PANK4: variants seen among roughly 807,000 people sequenced by gnomAD.
PANK4 encodes 4'-phosphopantetheine phosphatase.
Under a neutral mutation model 87.9 loss-of-function variants are expected in PANK4, and 40 were observed. That is an observed-to-expected ratio of 0.46 (90% CI 0.35 to 0.59). The LOEUF is 0.59. Ranked by LOEUF, PANK4 falls within the 20% of genes least tolerant of loss-of-function variation. The pLI is 0.00. For synonymous variants in PANK4, 524 were observed against 467.4 expected (o/e 1.12, Z -1.56); for missense variants, 926 against 1,072.3 (o/e 0.86, Z 1.90).
At chr1:2,521,501 C>A in intron 2 of PANK4, 186 bp from the exon 3 acceptor site, 3 of 685,950 alleles carry the variant, frequency 4.4e-6, no homozygotes, top group South Asian at 1.7e-5. Flanking sequence ...CCAGCAGGAG[C>A]GGAAGCCTCT....
In PANK4 at chr1:2,515,173, G is replaced by A; in HGVS notation, c.1374+389C>T. On this transcript the variant is annotated intron_variant, in intron 10 of 18. Coordinates refer to ENST00000378466, the MANE Select transcript of PANK4 (RefSeq NM_018216.4). The surrounding 1 kb of genome is among the most constrained non-coding windows in gnomAD (Gnocchi z 5.0). ...AGGTGGGACGCAGGAGTCCCAAGGT[G>A]GCCTCGCCGGGAGCTTGCTGGGGCT... is the stretch of plus-strand genomic sequence containing the variant. 5.0e-6 allele frequency: 2 copies of A among 398,326 alleles called. No individual in the cohort carries two copies. The highest frequency in any genetic ancestry group is 3.8e-5 in the South Asian group (2 of 51,988). The allele number at this position is 398,326 out of a possible 1,614,324, so 24.7% of individuals were successfully genotyped here. A position where few individuals can be genotyped will look rare whatever the true frequency, so the allele number is the denominator to read the frequency against.
chr1:2,523,582 G>T (rs1189637691), intron 1 of PANK4, among the ~76,000 whole-genome samples: 2 of 152,168 alleles, frequency 1.3e-5, no homozygotes, highest in African/African-American at 4.8e-5. Context: ...ACTGGGGTTG[G>T]GACAGAGGTG....
chr1:2,518,667 A>ACT lies in PANK4; in HGVS notation c.1036-71_1036-70insAG, dbSNP rs1350460967. The ACT allele has an allele frequency of 3.1e-6, 4 of 1,302,014 alleles. No individual in the cohort carries two copies. The African/African-American group carries it at 5.9e-5, about 19-fold the overall frequency. 80.7% of individuals were successfully genotyped at this position (1,302,014 alleles called of 1,614,324 possible). ...ACCCGGTGCCTCCGCAAACCAGCTC[A>ACT]ACGTGCGCGGGCCTCGCACCGCGCG... On this transcript the variant is annotated intron_variant, in intron 7 of 18. Coordinates refer to ENST00000378466, the MANE Select transcript of PANK4 (RefSeq NM_018216.4).
At chr1:2,518,489 C>T (rs368178123) in intron 8 of PANK4, 27 bp downstream of exon 8, 2 of 1,540,144 alleles carry the variant, frequency 1.3e-6, no homozygotes, top group Non-Finnish European at 8.8e-7. Flanking sequence ...CCCCACGCTG[C>T]TCAGGGGCGC....
intron 1 of PANK4, 115 bp from the exon 2 acceptor site, chr1:2,521,915 G>A (rs773976459): frequency 1.1e-5 from 9 of 787,240 alleles, no homozygotes; most frequent in South Asian, 8.6e-5. Flanking sequence ...TAGATGAGGG[G>A]TTTGGGGCTA....
In PANK4 at chr1:2,508,861, C is replaced by G; in HGVS notation, c.2308G>C (p.Val770Leu). 1.3e-6 allele frequency: 2 copies of G among 1,596,418 alleles called. No homozygotes were observed. ...GCTGCAGCGCCTCACTCGGCTGGGA[C>G]CTCGTACTTGAAGATGACGCTGAAG... ...RLFSVIFKYE[V>L]PAE is the part of the protein sequence containing the mutation. Residue 770 changes from valine to leucine, a missense_variant, in exon 19 of 19, where the codon GTC becomes CTC. Transcript: ENST00000378466. The surrounding 1 kb of genome is among the most constrained non-coding windows in gnomAD (Gnocchi z 5.1).
intron 10 of PANK4, 52 bp from the exon 11 acceptor site, chr1:2,514,518 G>T: frequency 8.8e-7 from 1 of 1,132,246 alleles, no homozygotes; most frequent in Non-Finnish European, 1.2e-6. Flanking sequence ...TGCTGCTTGC[G>T]AATCCCCACG....
chr1:2,518,224 G>A lies in PANK4; in HGVS notation c.1158C>T (p.Ser386=), dbSNP rs773613150. Residue 386 remains serine, a synonymous_variant, in exon 9 of 19, where the codon AGC becomes AGT. Transcript: ENST00000378466. The part of the protein sequence containing the change: ...QYSWGENYAG[S]SGLMSASPEL... ...CGGGTGATGCACTCATCAGCCCGGA[G>A]CTGCCTGCATAGTTCTCTCCCCAGC... is the stretch of plus-strand genomic sequence containing the variant. 39 of 1,611,940 alleles carry A rather than the reference G, an allele frequency of 2.4e-5. No individual in the cohort carries two copies. Among genetic ancestry groups the A allele is most frequent in the Non-Finnish European group, 2.6e-5 (31 of 1,179,744 alleles).
intron 1 of PANK4, among the ~76,000 whole-genome samples, chr1:2,523,120 G>A (rs751942912): frequency 5.9e-5 from 9 of 152,212 alleles, no homozygotes; most frequent in Non-Finnish European, 1.3e-4. Context: ...AAGGATGTCT[G>A]AGAACAAGCA....
At position 2,514,360 on chromosome 1, in the gene PANK4, T is replaced by TGCTG. The variant is rs1343356158; in HGVS notation, c.1477_1480dup (p.Gln494ProfsTer87). 6.2e-7 allele frequency: 1 copy of TGCTG among 1,610,624 alleles called. No homozygotes were observed. Among genetic ancestry groups the TGCTG allele is most frequent in the South Asian group, 1.1e-5 (1 of 91,038 alleles). On this transcript the variant is annotated frameshift_variant, in exon 11 of 19. Transcript: ENST00000378466. LOFTEE classifies it high-confidence loss of function. ...CGGGGTGCTGGGCACTTACAAGGGC[T>TGCTG]GCTGCCTCAGGGTCTGAAGCTTGTT...
chr1:2,513,014 G>A lies in PANK4; in HGVS notation c.1601C>T (p.Ala534Val). 1.2e-6 allele frequency: 2 copies of A among 1,606,584 alleles called. No homozygotes were observed. Among genetic ancestry groups the A allele is most frequent in the Non-Finnish European group, 1.7e-6 (2 of 1,175,258 alleles). Residue 534 changes from alanine to valine, a missense_variant, in exon 13 of 19, where the codon GCG becomes GTG. Physicochemically the swap from Ala to Val is moderately conservative, Grantham distance 64 (BLOSUM62 0). Coordinates refer to ENST00000378466, the MANE Select transcript of PANK4 (RefSeq NM_018216.4). Reference sequence around the variant, plus strand: ...CACGACCCCGGGGAAGCACCTCAGCGCCACGCCATTCTCCCGCTGCTTCAC... The same window carrying A: ...CACGACCCCGGGGAAGCACCTCAGCACCACGCCATTCTCCCGCTGCTTCAC... ...SKVKQRENGVALRCFPGVVRS... is the reference protein window; with the variant it reads ...SKVKQRENGVVLRCFPGVVRS...
At chr1:2,512,853 G>A in intron 13 of PANK4, 35 bp downstream of exon 13, 1 of 1,608,228 alleles carries the variant, frequency 6.2e-7, no homozygotes, top group African/African-American at 1.3e-5. Context: ...GCACCCACAG[G>A]CTGCAGAGCC....
intron 12 of PANK4, among the ~76,000 whole-genome samples, chr1:2,513,784 TG>T (rs1557438952): frequency 3.9e-5 from 6 of 152,200 alleles, no homozygotes; most frequent in Non-Finnish European, 2.9e-5. Flanking sequence ...CACCCCTAAG[TG>T]GCCCCAGCAT....
At chr1:2,516,620 C>G (rs12746149) in intron 9 of PANK4, among the ~76,000 whole-genome samples, 1 of 152,196 alleles carries the variant, frequency 6.6e-6, no homozygotes, top group Non-Finnish European at 1.5e-5. Flanking sequence ...CTGGCAACCC[C>G]TGGGGCTGGA....
At chr1:2,525,082 G>A (rs577310648) in intron 1 of PANK4, among the ~76,000 whole-genome samples, 2 of 152,270 alleles carry the variant, frequency 1.3e-5, no homozygotes, top group South Asian at 4.1e-4. Flanking sequence ...AGGACCTATA[G>A]CTACTTCCAT....
chr1:2,523,771 C>T (rs1443083518), intron 1 of PANK4, among the ~76,000 whole-genome samples: 2 of 152,228 alleles, frequency 1.3e-5, no homozygotes, highest in South Asian at 2.1e-4. Flanking sequence ...GAACCGCCTG[C>T]GGGCGGGGAC....
In PANK4 at chr1:2,510,171, G is replaced by C; in HGVS notation, c.1939-14C>G. On this transcript the variant is annotated splice_polypyrimidine_tract_variant and intron_variant, in intron 16 of 18. Transcript: ENST00000378466. The surrounding 1 kb of genome is among the most constrained non-coding windows in gnomAD (Gnocchi z 4.9). The stretch of plus-strand genomic sequence containing the variant: ...CGCCAGGATGACCTGCAGGAGGAGG[G>C]CCCAGGCTCTTTAGGAACCTGTGCT... 1 of 1,544,526 alleles carries C rather than the reference G, an allele frequency of 6.5e-7. No individual in the cohort carries two copies. The highest frequency in any genetic ancestry group is 2.3e-5 in the East Asian group (1 of 42,928).
At position 2,515,243 on chromosome 1, in the gene PANK4, G is replaced by GCACCTCAGTCA. The variant is rs1643746677; in HGVS notation, c.1374+308_1374+318dup. 5.7e-6 allele frequency: 3 copies of GCACCTCAGTCA among 526,932 alleles called. No individual in the cohort carries two copies. Among genetic ancestry groups the GCACCTCAGTCA allele is most frequent in the African/African-American group, 1.9e-5 (1 of 53,184 alleles). 32.6% of individuals were successfully genotyped at this position (526,932 alleles called of 1,614,324 possible). A position where few individuals can be genotyped will look rare whatever the true frequency, so the allele number is the denominator to read the frequency against. ...GAGTCAGGGTCCCACAATGCCTCCCGCACCTCAGTCACACCTCAAAAGAGC... is the reference window on the plus strand; with the variant it reads ...GAGTCAGGGTCCCACAATGCCTCCCGCACCTCAGTCACACCTCAGTCACACCTCAAAAGAGC... On this transcript the variant is annotated intron_variant, in intron 10 of 18. Coordinates refer to ENST00000378466, the MANE Select transcript of PANK4 (RefSeq NM_018216.4). The surrounding 1 kb of genome is among the most constrained non-coding windows in gnomAD (Gnocchi z 5.0).
In PANK4 at chr1:2,510,641, C is replaced by G; in HGVS notation, c.1938+37G>C. The G allele has an allele frequency of 7.8e-7, 1 of 1,275,142 alleles. No homozygotes were observed. The highest frequency in any genetic ancestry group is 1.1e-6 in the Non-Finnish European group (1 of 875,610). The allele number at this position is 1,275,142 out of a possible 1,614,324, so 79.0% of individuals were successfully genotyped here. On this transcript the variant is annotated intron_variant, in intron 16 of 18. Coordinates refer to ENST00000378466, the MANE Select transcript of PANK4 (RefSeq NM_018216.4). This position sits in a 1 kb window ranked among gnomAD's most constrained non-coding sequence, Gnocchi z 4.9. ...CCAACCCCACCGAGAGCAGAGAAGC[C>G]CAGGGGAAGGGCCCCACCCACCACC...
Sources: allele counts gnomAD v4.1 joint callset (sites outside exome capture counted in the v4.1 genomes callset), GRCh38; gene constraint gnomAD v4.1.1; non-coding constraint Gnocchi (gnomAD v3.1); transcripts MANE v1.5; gene names NCBI Gene and HGNC (gene_info 2026-07-23, HGNC 2026-07-21).